ARHGAP19: variants seen among roughly 807,000 people sequenced by gnomAD.
ARHGAP19 encodes the protein rho GTPase-activating protein 19.
ARHGAP19 carries 48 observed loss-of-function variants against 60.9 expected under a neutral mutation model. That is an observed-to-expected ratio of 0.79 (90% CI 0.62 to 1.00). The LOEUF is 1.00. Among genes scored for constraint, ARHGAP19 ranks in the 50% least tolerant of loss-of-function variants. ARHGAP19 has a pLI of 0.00. For missense variants in ARHGAP19, 562 were observed against 597.2 expected (o/e 0.94, Z 0.61); for synonymous variants, 209 against 215.5 (o/e 0.97, Z 0.27).
chr10:97,248,387 C>T (rs1328837336), intron 6 of ARHGAP19, among the ~76,000 whole-genome samples: 2 of 151,550 alleles, frequency 1.3e-5, no homozygotes, highest in African/African-American at 4.8e-5. Context: ...GCACTCCAGC[C>T]TGGGTGACAG....
At chr10:97,266,432 C>A (rs1299470104) in intron 1 of ARHGAP19, among the ~76,000 whole-genome samples, 1 of 152,166 alleles carries the variant, frequency 6.6e-6, no homozygotes, top group East Asian at 1.9e-4. Flanking sequence ...TAAGTCCAAC[C>A]TCTGCTCAGA....
chr10:97,291,298 GA>G (rs1843228433), intron 1 of ARHGAP19, among the ~76,000 whole-genome samples: 1 of 152,016 alleles, frequency 6.6e-6, no homozygotes, highest in South Asian at 2.1e-4. Context: ...AAAAAGAGTG[GA>G]AAACTCTTCC....
chr10:97,239,864 T>C (rs1380070591), intron 8 of ARHGAP19, among the ~76,000 whole-genome samples: 2 of 151,720 alleles, frequency 1.3e-5, no homozygotes, highest in African/African-American at 2.4e-5. Context: ...TGAGCCACCA[T>C]GCCTGGCTAA....
At chr10:97,267,372 G>C (rs892119992) in intron 1 of ARHGAP19, among the ~76,000 whole-genome samples, 1 of 152,222 alleles carries the variant, frequency 6.6e-6, no homozygotes, top group Non-Finnish European at 1.5e-5. Context: ...CCCCATTCCT[G>C]GTTGCTTTCA....
chr10:97,286,274 C>A (rs1048873179), intron 1 of ARHGAP19, among the ~76,000 whole-genome samples: 1 of 152,186 alleles, frequency 6.6e-6, no homozygotes, highest in Non-Finnish European at 1.5e-5. Context: ...ACATTACTGT[C>A]TTATTACAGA....
chr10:97,290,950 G>C (rs529558784), intron 1 of ARHGAP19, among the ~76,000 whole-genome samples: 2 of 152,236 alleles, frequency 1.3e-5, no homozygotes, highest in African/African-American at 4.8e-5. Context: ...TGAGAGACAG[G>C]ACTAGCTGGA....
At chr10:97,242,377 A>C (rs1445153931) in intron 8 of ARHGAP19, among the ~76,000 whole-genome samples, 9 of 113,154 alleles carry the variant, frequency 8.0e-5, no homozygotes, top group Admixed American at 2.7e-4. Context: ...CTTGTTGCCC[A>C]GGCTGGAGTG....
chr10:97,265,923 AC>A lies in ARHGAP19; in HGVS notation c.258del (p.Lys86AsnfsTer26), dbSNP rs750580690. 7 of 1,614,024 alleles carry A rather than the reference AC, an allele frequency of 4.3e-6. No individual in the cohort carries two copies. On this transcript the variant is annotated frameshift_variant, in exon 2 of 12. Transcript: ENST00000358531. LOFTEE classifies it high-confidence loss of function. ...LAQLMGEVDL[K>X]LPGGAGPASG... Reference sequence around the variant, plus strand: ...GATGCTGGGCCAGCCCCGCCAGGCAACTTAAGGTCCACTTCCCCCATCAGCT... The same window carrying A: ...GATGCTGGGCCAGCCCCGCCAGGCAATTAAGGTCCACTTCCCCCATCAGCT...
intron 1 of ARHGAP19, among the ~76,000 whole-genome samples, chr10:97,292,110 G>A (rs925599985): frequency 7.0e-5 from 10 of 141,968 alleles, no homozygotes; most frequent in Non-Finnish European, 1.5e-4. Context: ...AGAAACTGAA[G>A]TCGAGAGAGG....
intron 7 of ARHGAP19, among the ~76,000 whole-genome samples, chr10:97,245,595 C>CAAAAAAAAAAAAAAAAAAAAA (rs397845381): frequency 8.9e-6 from 1 of 112,378 alleles, no homozygotes; most frequent in African/African-American, 3.5e-5. Context: ...AACCCTATCT[C>CAAAAAAAAAAAAAAAAAAAAA]AAAAAAAAAA....
intron 1 of ARHGAP19, chr10:97,270,707 C>T: frequency 6.5e-7 from 1 of 1,531,408 alleles, no homozygotes; most frequent in Non-Finnish European, 8.8e-7. Context: ...TTTCCCTGCC[C>T]CAGCACAGCC....
At chr10:97,259,096 T>G (rs146309305) in intron 5 of ARHGAP19, among the ~76,000 whole-genome samples, 1 of 152,350 alleles carries the variant, frequency 6.6e-6, no homozygotes, top group East Asian at 1.9e-4. Context: ...CCTTTCCTGT[T>G]AAGGATTCCA....
At chr10:97,227,901 T>C (rs920944005) in intron 11 of ARHGAP19, among the ~76,000 whole-genome samples, 4 of 152,218 alleles carry the variant, frequency 2.6e-5, no homozygotes, top group African/African-American at 9.6e-5. Flanking sequence ...CTTTCCAAGG[T>C]AGAGCTGTCA....
At position 97,232,914 on chromosome 10, in the gene ARHGAP19, G is replaced by A. The variant is rs185726600; in HGVS notation, c.1284+2303C>T. On this transcript the variant is annotated intron_variant, in intron 9 of 11. Coordinates refer to ENST00000358531, the MANE Select transcript of ARHGAP19 (RefSeq NM_032900.6). Reference sequence around the variant, plus strand: ...TATAATCTCAGCACTTTGGGAGGCCGAAGCGGGCAGATTACTTGAGGCCAG... The same window carrying A: ...TATAATCTCAGCACTTTGGGAGGCCAAAGCGGGCAGATTACTTGAGGCCAG... 5.3e-5 allele frequency among the ~76,000 whole-genome samples: 8 copies of A among 152,192 alleles called. No individual in the cohort carries two copies. In the East Asian group the frequency reaches 5.8e-4, roughly 11 times the overall value.
At chr10:97,290,269 T>A (rs931968587) in intron 1 of ARHGAP19, among the ~76,000 whole-genome samples, 1 of 140,026 alleles carries the variant, frequency 7.1e-6, no homozygotes, top group Non-Finnish European at 1.7e-5. Context: ...CTGACTCCCA[T>A]CCCGCTGCTG....
Position 97,229,801 on chromosome 10 carries a change from C to T in ARHGAP19, c.1358G>A (p.Gly453Asp), listed in dbSNP as rs1398531572. ...TTCTTTGCTGGTTCCCTTCAATTCA[C>T]CAATGGCCACAGATTCTGGAGTAGG... ...KNPTPESVAI[G>D]ELKGTSKENR... The change falls in exon 10 of 12, where the codon GGT becomes GAT. Residue 453 changes from glycine to aspartate, a missense_variant. Transcript: ENST00000358531. 1.2e-6 allele frequency: 2 copies of T among 1,612,884 alleles called. No homozygotes were observed. The highest frequency in any genetic ancestry group is 2.2e-5 in the East Asian group (1 of 44,838).
chr10:97,233,315 G>A (rs1208344701), intron 9 of ARHGAP19, among the ~76,000 whole-genome samples: 3 of 151,682 alleles, frequency 2.0e-5, no homozygotes, highest in African/African-American at 7.3e-5. Context: ...GGTGCCACTT[G>A]TACTTCAGCC....
chr10:97,263,424 G>T lies in ARHGAP19; in HGVS notation c.609C>A (p.Ile203=). Residue 203 remains isoleucine (I), a synonymous_variant, in exon 4 of 12, where the codon ATC becomes ATA. Transcript: ENST00000358531. ...CTTCTTACTTCCTATACTCACCAGCGATTTTGAGGTGTGCATTGAAGTGTT... is the reference window on the plus strand; with the variant it reads ...CTTCTTACTTCCTATACTCACCAGCTATTTTGAGGTGTGCATTGAAGTGTT... The part of the protein sequence containing the change: ...THKHFNAHLK[I]ADLMQFDDKG... 1.2e-6 allele frequency: 2 copies of T among 1,613,898 alleles called. No homozygotes were observed. Among genetic ancestry groups the T allele is most frequent in the South Asian group, 2.2e-5 (2 of 91,064 alleles).
intron 8 of ARHGAP19, 24 bp downstream of exon 8, chr10:97,243,944 C>A: frequency 1.3e-6 from 2 of 1,571,724 alleles, no homozygotes; most frequent in African/African-American, 1.4e-5. Flanking sequence ...AAAGCCCCAT[C>A]ACAACTTCCC....
Sources: gnomAD v4.1 joint callset for allele counts (sites outside exome capture counted in the v4.1 genomes callset) on GRCh38, gnomAD v4.1.1 for gene constraint, MANE v1.5 for transcripts, NCBI Gene and HGNC (gene_info 2026-07-23, HGNC 2026-07-21) for gene names.